The following ARAP2 variants were observed in gnomAD, a reference collection of about 807,000 sequenced individuals.
ARAP2 encodes the protein arf-GAP with Rho-GAP domain, ANK repeat and PH domain-containing protein 2.
ARAP2 carries 148 observed loss-of-function variants against 194.5 expected under a neutral mutation model. The observed-to-expected ratio is 0.76, with a 90% CI of 0.67 to 0.87. ARAP2 has a LOEUF of 0.87. ARAP2 is among the 40% of genes least tolerant of loss of function. ARAP2 has a pLI of 0.00. For synonymous variants in ARAP2, 695 were observed against 683.5 expected (o/e 1.02, Z -0.26); for missense variants, 2,128 against 1,989.7 (o/e 1.07, Z -1.32).
intron 29 of ARAP2, among the ~76,000 whole-genome samples, chr4:36,083,120 T>C (rs959009301): frequency 6.6e-6 from 1 of 152,042 alleles, no homozygotes; most frequent in Non-Finnish European, 1.5e-5. Flanking sequence ...TTTCTTACTT[T>C]ACACAGAGAG....
chr4:36,127,304 C>T (rs1295782335), intron 21 of ARAP2, among the ~76,000 whole-genome samples: 1 of 152,026 alleles, frequency 6.6e-6, no homozygotes, highest in Non-Finnish European at 1.5e-5. Flanking sequence ...TGTTTTATAT[C>T]TTAGAAAATT....
chr4:36,173,921 A>G (rs1352287704), intron 9 of ARAP2, among the ~76,000 whole-genome samples: 1 of 152,162 alleles, frequency 6.6e-6, no homozygotes, highest in Non-Finnish European at 1.5e-5. Flanking sequence ...AATGTAAACT[A>G]CTCTTGAGGA....
chr4:36,205,225 G>A (rs1332236555), intron 6 of ARAP2, among the ~76,000 whole-genome samples: 1 of 150,768 alleles, frequency 6.6e-6, no homozygotes, highest in African/African-American at 2.4e-5. Flanking sequence ...AGGGAAGGAG[G>A]GAACAGTGGT....
At chr4:36,045,286 A>C (rs987190807) in intron 5 of ARAP2, among the ~76,000 whole-genome samples, 1 of 152,174 alleles carries the variant, frequency 6.6e-6, no homozygotes, top group South Asian at 2.1e-4. Flanking sequence ...CTATAGAAAC[A>C]ATTTAAATAT....
chr4:36,197,907 C>T (rs950334693), intron 6 of ARAP2, among the ~76,000 whole-genome samples: 10 of 151,980 alleles, frequency 6.6e-5, no homozygotes. Flanking sequence ...CACAGCCCTG[C>T]CTCAGGGAGC....
At chr4:36,104,028 C>T (rs971511384) in intron 27 of ARAP2, among the ~76,000 whole-genome samples, 14 of 151,662 alleles carry the variant, frequency 9.2e-5, no homozygotes, top group African/African-American at 3.4e-4. Flanking sequence ...CATAGATAGA[C>T]AGACAGAAAT....
At position 36,133,288 on chromosome 4, in the gene ARAP2, T is replaced by G; in HGVS notation, c.3365A>C (p.Gln1122Pro). 6.2e-7 allele frequency: 1 copy of G among 1,611,418 alleles called. No homozygotes were observed. Among genetic ancestry groups the G allele is most frequent in the East Asian group, 2.2e-5 (1 of 44,710 alleles). ...GTDGNALQDQ[Q>P]LSKNDVPIIV... Reference sequence around the variant, plus strand: ...AATGGGAACGTCATTTTTGCTGAGCTGCTGATCTTGTAAAGCATTACCATC... The same window carrying G: ...AATGGGAACGTCATTTTTGCTGAGCGGCTGATCTTGTAAAGCATTACCATC... The change falls in exon 20 of 33, where the codon CAG (glutamine) becomes CCG (proline). Residue 1122 changes from glutamine to proline, a missense_variant. Transcript: ENST00000303965.
At chr4:36,093,168 C>T (rs908731890) in intron 27 of ARAP2, among the ~76,000 whole-genome samples, 1 of 151,806 alleles carries the variant, frequency 6.6e-6, no homozygotes, top group Non-Finnish European at 1.5e-5. Flanking sequence ...AACACGTGGA[C>T]ACATAGAGGG....
chr4:36,233,139 C>G (rs1039479023), intron 1 of ARAP2, among the ~76,000 whole-genome samples: 1 of 152,212 alleles, frequency 6.6e-6, no homozygotes, highest in South Asian at 2.1e-4. Context: ...TTTTAACTGT[C>G]TGAACACCCA....
At chr4:36,117,826 C>T (rs1201166954) in intron 24 of ARAP2, among the ~76,000 whole-genome samples, 1 of 151,536 alleles carries the variant, frequency 6.6e-6, no homozygotes, top group African/African-American at 2.4e-5. Flanking sequence ...GAAGAAGATG[C>T]AAGCCTGAAA....
intron 26 of ARAP2, among the ~76,000 whole-genome samples, chr4:36,113,068 G>T (rs1720433315): frequency 6.6e-6 from 1 of 151,950 alleles, no homozygotes; most frequent in African/African-American, 2.4e-5. Flanking sequence ...GAGAATCCAG[G>T]CAGTATGGAA....
chr4:36,091,221 T>C (rs1713548553), intron 28 of ARAP2, among the ~76,000 whole-genome samples: 3 of 152,184 alleles, frequency 2.0e-5, no homozygotes, highest in Admixed American at 2.0e-4. Flanking sequence ...CAGATTTGGA[T>C]ACTGAGGTTG....
At chr4:36,102,582 C>G (rs1380385137) in intron 27 of ARAP2, among the ~76,000 whole-genome samples, 1 of 151,944 alleles carries the variant, frequency 6.6e-6, no homozygotes, top group Non-Finnish European at 1.5e-5. Flanking sequence ...TTGAATAAGA[C>G]ACATTCAGTG....
intron 5 of ARAP2, among the ~76,000 whole-genome samples, chr4:36,038,493 T>C (rs1372324770): frequency 1.3e-5 from 2 of 152,196 alleles, no homozygotes; most frequent in Admixed American, 1.3e-4. Context: ...CTTGGCCTTA[T>C]ATATTGGCTA....
intron 32 of ARAP2, among the ~76,000 whole-genome samples, chr4:36,068,635 T>C (rs1001996580): frequency 6.6e-6 from 1 of 152,196 alleles, no homozygotes; most frequent in Admixed American, 6.5e-5. Flanking sequence ...GCAGTGGCAA[T>C]GAGCTGCAGC....
rs563675656 is a variant in ARAP2 at position 36,093,209 on chromosome 4, C to T, written c.4286-1189G>A. ...ACACACACTGGGGCCTATTGGAAGG[C>T]GGAGGGTGGGGGGAAGGAGAGAATC... On this transcript the variant is annotated intron_variant, in intron 27 of 32. Coordinates refer to ENST00000303965, the MANE Select transcript of ARAP2 (RefSeq NM_015230.4). 1.5e-4 allele frequency among the ~76,000 whole-genome samples: 23 copies of T among 151,774 alleles called. No homozygotes were observed. The South Asian group carries it at 4.4e-3, about 29-fold the overall frequency.
At chr4:36,096,380 A>C (rs1438926661) in intron 27 of ARAP2, among the ~76,000 whole-genome samples, 1 of 150,198 alleles carries the variant, frequency 6.7e-6, no homozygotes, top group Non-Finnish European at 1.5e-5. Context: ...AAAAAAAAAA[A>C]GAAAAAGGAA....
At chr4:36,163,672 T>C (rs1734614254) in intron 11 of ARAP2, among the ~76,000 whole-genome samples, 1 of 152,084 alleles carries the variant, frequency 6.6e-6, no homozygotes, top group African/African-American at 2.4e-5. Flanking sequence ...TGCAAGTTTA[T>C]ACAATGAAAC....
At chr4:36,051,651 C>T (rs1312992798) in intron 3 of ARAP2, among the ~76,000 whole-genome samples, 1 of 152,164 alleles carries the variant, frequency 6.6e-6, no homozygotes, top group Non-Finnish European at 1.5e-5. Flanking sequence ...CTCCATTCCA[C>T]AGATTGTCTG....
Sources: gnomAD v4.1 joint callset for allele counts (sites outside exome capture counted in the v4.1 genomes callset) on GRCh38, gnomAD v4.1.1 for gene constraint, MANE v1.5 for transcripts, NCBI Gene and HGNC (gene_info 2026-07-23, HGNC 2026-07-21) for gene names.